Variants in RYR2 observed in about 807,000 individuals in gnomAD.
RYR2 encodes cardiac muscle ryanodine receptor-calcium release channel.
A neutral mutation model predicts 601.1 loss-of-function variants in RYR2; 227 were observed. The observed-to-expected ratio is 0.38, with a 90% CI of 0.34 to 0.42. RYR2 has a LOEUF of 0.42. RYR2 is among the 10% of genes least tolerant of loss of function. The pLI, the probability that RYR2 is intolerant of heterozygous loss-of-function variation, is 1.00. For missense variants in RYR2, 4,646 were observed against 6,156.5 expected (o/e 0.75, Z 8.21); for synonymous variants, 2,223 against 2,175.1 (o/e 1.02, Z -0.61).
At chr1:237,416,915 C>T (rs890334144) in intron 10 of RYR2, 134 bp from the exon 11 acceptor site, 3 of 724,694 alleles carry the variant, frequency 4.1e-6, no homozygotes, top group African/African-American at 3.5e-5. Flanking sequence ...CTGTCTCCTG[C>T]CAAAAAAGTA....
chr1:237,520,009 A>G (rs1317944213), intron 24 of RYR2, among the ~76,000 whole-genome samples: 1 of 152,112 alleles, frequency 6.6e-6, no homozygotes, highest in Non-Finnish European at 1.5e-5. Context: ...CCTTGGTTAA[A>G]TATATTTTAA....
chr1:237,445,073 C>A (rs2150163983), intron 13 of RYR2, among the ~76,000 whole-genome samples: 2 of 152,148 alleles, frequency 1.3e-5, no homozygotes. Flanking sequence ...CTGAGATGGG[C>A]AAGGTGATGG....
chr1:237,107,519 C>CAAAAAAAAA lies in RYR2; in HGVS notation c.48+64959_48+64967dup, dbSNP rs71561857. Reference sequence around the variant, plus strand: ...TGGGAGACAGAGTGAGACTCCATCTCAAAAAAAAAAAAAAAAAGGAAACAT... The same window carrying CAAAAAAAAA: ...TGGGAGACAGAGTGAGACTCCATCTCAAAAAAAAAAAAAAAAAAAAAAAAAAGGAAACAT... On this transcript the variant is annotated intron_variant, in intron 1 of 104. Transcript: ENST00000366574. 2.6e-4 allele frequency among the ~76,000 whole-genome samples: 10 copies of CAAAAAAAAA among 38,912 alleles called. 3 individuals carry two copies. Among genetic ancestry groups the CAAAAAAAAA allele is most frequent in the East Asian group, 1.8e-3 (2 of 1,114 alleles). The allele number at this position is 38,912 out of a possible 152,430, so 25.5% of individuals were successfully genotyped here.
rs1458028058 is a variant in RYR2, at chr1:237,530,499, G to A, written c.2895G>A (p.Lys965=). 3 of 1,601,604 alleles carry A rather than the reference G, an allele frequency of 1.9e-6. No individual in the cohort carries two copies. The highest frequency in any genetic ancestry group is 2.6e-6 in the Non-Finnish European group (3 of 1,173,282). The part of the protein sequence containing the change: ...EHAEDKVKKM[K]LPKNYQLTSG... ...CTGAAGACAAGGTGAAAAAAATGAA[G>A]CTACCCAAGAAGTAAGTTGAATGAC... Residue 965 remains lysine (K), a synonymous_variant, in exon 25 of 105, where the codon AAG becomes AAA. Transcript: ENST00000366574.
chr1:237,736,115 A>G (rs1021701557), intron 79 of RYR2, among the ~76,000 whole-genome samples: 2 of 151,202 alleles, frequency 1.3e-5, no homozygotes, highest in African/African-American at 4.9e-5. Flanking sequence ...AATTGTTTTT[A>G]TGTCTGATTG....
intron 1 of RYR2, among the ~76,000 whole-genome samples, chr1:237,050,865 T>G (rs1014967578): frequency 2.0e-5 from 3 of 152,198 alleles, no homozygotes; most frequent in African/African-American, 7.2e-5. Context: ...GTTTCTGGTT[T>G]TCAAAATAAA....
chr1:237,468,626 G>A (rs1407185033), intron 16 of RYR2, among the ~76,000 whole-genome samples: 1 of 152,192 alleles, frequency 6.6e-6, no homozygotes, highest in African/African-American at 2.4e-5. Context: ...CTGTATACCT[G>A]TTAGAGTTAT....
intron 1 of RYR2, among the ~76,000 whole-genome samples, chr1:237,244,914 T>TTTA: frequency 6.6e-6 from 1 of 152,204 alleles, no homozygotes; most frequent in East Asian, 1.9e-4. Flanking sequence ...CAAGGATTCA[T>TTTA]TGTCTTATTT....
rs776208021 is a variant in RYR2 at position 237,717,200 on chromosome 1, A to T, written c.10326A>T (p.Ala3442=). 1 of 1,613,366 alleles carries T rather than the reference A, an allele frequency of 6.2e-7. No homozygotes were observed. The highest frequency in any genetic ancestry group is 8.5e-7 in the Non-Finnish European group (1 of 1,179,532). Residue 3442 remains alanine, a splice_region_variant and synonymous_variant, in exon 72 of 105, where the codon GCA becomes GCT. Coordinates refer to ENST00000366574, the MANE Select transcript of RYR2 (RefSeq NM_001035.3). ...ITDTKSKMSK[A]AVSDQERKKM... ...CAGCACTTCTCTTTGTTCCATAGGCAGCTGTTTCTGATCAGGAAAGGAAGA... is the reference window on the plus strand; with the variant it reads ...CAGCACTTCTCTTTGTTCCATAGGCTGCTGTTTCTGATCAGGAAAGGAAGA...
intron 24 of RYR2, among the ~76,000 whole-genome samples, chr1:237,519,365 T>G (rs1666872640): frequency 6.6e-6 from 1 of 152,142 alleles, no homozygotes; most frequent in African/African-American, 2.4e-5. Flanking sequence ...AGACAAATGT[T>G]CAGAAGAGTT....
rs185010100 is a variant in RYR2, at chr1:237,506,406, T to C, written c.2614-304T>C. Reference sequence around the variant, plus strand: ...CAAAAAAATTAGCCGGGCGTAGTGGTGGGCACCTGCATTCCCAGCTACTCG... The same window carrying C: ...CAAAAAAATTAGCCGGGCGTAGTGGCGGGCACCTGCATTCCCAGCTACTCG... On this transcript the variant is annotated intron_variant, in intron 22 of 104. Transcript: ENST00000366574. 0.013 allele frequency among the ~76,000 whole-genome samples: 2,002 copies of C among 152,088 alleles called. 34 individuals carry two copies. Among genetic ancestry groups the C allele is most frequent in the African/African-American group, 0.033 (1,374 of 41,456 alleles).
chr1:237,742,341 A>G lies in RYR2; in HGVS notation c.11137A>G (p.Ser3713Gly). ...EDDDGEEEVK[S>G]FEEKEMEKQK... ...TGACGATGGTGAAGAGGAAGTGAAG[A>G]GTTTTGAAGTAAGATGGATCTTTCT... The change falls in exon 80 of 105, where the codon AGT (serine) becomes GGT (glycine). Residue 3713 changes from serine to glycine, a missense_variant. Coordinates refer to ENST00000366574, the MANE Select transcript of RYR2 (RefSeq NM_001035.3). 6.4e-7 allele frequency: 1 copy of G among 1,569,316 alleles called. No individual in the cohort carries two copies. Among genetic ancestry groups the G allele is most frequent in the Non-Finnish European group, 8.7e-7 (1 of 1,152,994 alleles).
At chr1:237,530,290 G>C in intron 24 of RYR2, 137 bp from the exon 25 acceptor site, 1 of 563,572 alleles carries the variant, frequency 1.8e-6, no homozygotes, top group East Asian at 3.2e-5. Flanking sequence ...CAGCCTGGGC[G>C]ACAGAGCGAG....
At position 237,380,402 on chromosome 1, in the gene RYR2, A is replaced by T. The variant is rs1348077873; in HGVS notation, c.576+2967A>T. Among the ~76,000 whole-genome samples the T allele has an allele frequency of 1.1e-4, 4 of 37,240 alleles. No individual in the cohort carries two copies. In the East Asian group the frequency reaches 5.2e-3, roughly 48 times the overall value. The allele number at this position is 37,240 out of a possible 152,430, so 24.4% of individuals were successfully genotyped here. On this transcript the variant is annotated intron_variant, in intron 8 of 104. Transcript: ENST00000366574. ...TATATATATATATATATATATATAT[A>T]TATATATATATATATATATAGTAAA...
At chr1:237,661,267 G>C (rs992379830) in intron 56 of RYR2, among the ~76,000 whole-genome samples, 1 of 151,922 alleles carries the variant, frequency 6.6e-6, no homozygotes, top group African/African-American at 2.4e-5. Flanking sequence ...AACACCGCAT[G>C]TTCTCACTCA....
At chr1:237,396,561 G>A (rs1054595682) in intron 10 of RYR2, among the ~76,000 whole-genome samples, 6 of 152,188 alleles carry the variant, frequency 3.9e-5, no homozygotes, top group African/African-American at 1.4e-4. Flanking sequence ...AGCAGTCCCT[G>A]TGTTTCTTTG....
Position 237,191,856 on chromosome 1 carries a change from GTTT to G in RYR2, c.49-78638_49-78636del, listed in dbSNP as rs1252957511. On this transcript the variant is annotated intron_variant, in intron 1 of 104. Coordinates refer to ENST00000366574, the MANE Select transcript of RYR2 (RefSeq NM_001035.3). ...GGAAGAAGTCAGATAGGAGCTCTCT[GTTT>G]TTGTTGCTGTTGTTACTTGCCAAAT... Among the ~76,000 whole-genome samples, 8 of 152,284 alleles carry G rather than the reference GTTT, an allele frequency of 5.3e-5. No individual in the cohort carries two copies. In the South Asian group the frequency reaches 1.2e-3, roughly 24 times the overall value.
At chr1:237,412,686 G>A (rs369099435) in intron 10 of RYR2, among the ~76,000 whole-genome samples, 24 of 152,124 alleles carry the variant, frequency 1.6e-4, no homozygotes, top group East Asian at 1.2e-3. Context: ...TTTCATATCC[G>A]TCGACCTTCC....
intron 2 of RYR2, among the ~76,000 whole-genome samples, chr1:237,290,404 A>G (rs1461840008): frequency 6.6e-6 from 1 of 152,212 alleles, no homozygotes; most frequent in East Asian, 1.9e-4. Flanking sequence ...TTTATTCCAT[A>G]AAATAGATGG....
Sources: allele counts gnomAD v4.1 joint callset (sites outside exome capture counted in the v4.1 genomes callset), GRCh38; gene constraint gnomAD v4.1.1; transcripts MANE v1.5; gene names NCBI Gene and HGNC (gene_info 2026-07-23, HGNC 2026-07-21).